The following NEB variants were observed in gnomAD, a reference collection of about 807,000 sequenced individuals.
NEB encodes the protein nebulin, also known as nemaline myopathy type 2.
NEB carries 512 observed loss-of-function variants against 952.2 expected under a neutral mutation model. The ratio of observed to expected loss-of-function variants is 0.54; its 90% CI spans 0.50 to 0.58. The LOEUF (loss-of-function observed/expected upper bound fraction) is 0.58. NEB is among the 20% of genes least tolerant of loss of function. The pLI is 0.00. For missense variants in NEB, 8,428 were observed against 9,231.1 expected, an observed-to-expected ratio of 0.91 and a Z score of 3.56; for synonymous variants, 2,900 against 3,149.8, an observed-to-expected ratio of 0.92 and a Z score of 2.66.
intron 68 of NEB, among the ~76,000 whole-genome samples, chr2:151,628,447 C>CA (rs2098575837): frequency 6.6e-6 from 1 of 152,100 alleles, no homozygotes; most frequent in Admixed American, 6.5e-5. Context: ...TATGTATCTA[C>CA]AAAAAAGCAT....
Position 151,547,526 on chromosome 2 carries a change from T to C in NEB, c.20270A>G (p.Tyr6757Cys). The C allele has an allele frequency of 6.2e-7, 1 of 1,602,530 alleles. No individual in the cohort carries two copies. The highest frequency in any genetic ancestry group is 8.5e-7 in the Non-Finnish European group (1 of 1,174,068). Residue 6757 changes from tyrosine (Y) to cysteine (C), a missense_variant, in exon 133 of 182, where the codon TAC (tyrosine) becomes TGC (cysteine). Physicochemically the swap from Tyr to Cys is radical, Grantham distance 194. Coordinates refer to ENST00000397345, the MANE Select transcript of NEB (RefSeq NM_001164508.2). ...CTGCATCTTGAAGAAGTCTGATTTG[T>C]AGATCAACTAAAGAAAAAAAAATAC... ...KTQEAVSELI[Y>C]KSDFFKMQGH...
rs1434158942 is a variant in NEB, at chr2:151,562,211, C to T, written c.18895G>A (p.Val6299Met). The change falls in exon 121 of 182, where the codon GTG becomes ATG. Residue 6299 changes from valine (V) to methionine (M), a missense_variant. Transcript: ENST00000397345. ...RNAQEILSDN[V>M]YKDDLNWLKG... ...AACCAATTCAGGTCATCTTTATACA[C>T]ATTCTGCAAGAAAGAGAGAACAATG... 1.9e-6 allele frequency: 3 copies of T among 1,606,166 alleles called. No homozygotes were observed. Among genetic ancestry groups the T allele is most frequent in the Non-Finnish European group, 2.6e-6 (3 of 1,172,958 alleles).
Position 151,657,974 on chromosome 2 carries a change from T to C in NEB, c.6183+9A>G. On this transcript the variant is annotated intron_variant, in intron 48 of 181. Coordinates refer to ENST00000397345, the MANE Select transcript of NEB (RefSeq NM_001164508.2). ...CCCCCAGCCAGGTGACCGTTTCCTT[T>C]GGACTTACATCACTTGCAATATCTC... is the stretch of plus-strand genomic sequence containing the variant. 6.3e-7 allele frequency: 1 copy of C among 1,582,460 alleles called. No homozygotes were observed.
chr2:151,559,905 G>A (rs2095912625), intron 124 of NEB, among the ~76,000 whole-genome samples: 2 of 152,070 alleles, frequency 1.3e-5, no homozygotes, highest in South Asian at 4.1e-4. Flanking sequence ...AAACCTCCAC[G>A]TTCTGCACGT....
At chr2:151,486,022 C>T in intron 181 of NEB, 89 bp from the exon 182 acceptor site, 5 of 1,331,178 alleles carry the variant, frequency 3.8e-6, no homozygotes, top group South Asian at 1.3e-5. Flanking sequence ...TCATGACTGA[C>T]TCCACAAACT....
rs745648379 is a variant in NEB at position 151,565,165 on chromosome 2, A to G, written c.18367-17T>C. ...ATATTTTACCTAAGGAGAGAAAACC[A>G]AATCTTTTATTACTATAAATGAATA... On this transcript the variant is annotated splice_polypyrimidine_tract_variant and intron_variant, in intron 116 of 181. Transcript: ENST00000397345. 2 of 1,275,594 alleles carry G rather than the reference A, an allele frequency of 1.6e-6. No individual in the cohort carries two copies. Among genetic ancestry groups the G allele is most frequent in the South Asian group, 2.8e-5 (2 of 71,914 alleles). The allele number at this position is 1,275,594 out of a possible 1,614,324, so 79.0% of individuals were successfully genotyped here. A position where few individuals can be genotyped will look rare whatever the true frequency, so the allele number is the denominator to read the frequency against.
intron 117 of NEB, 83 bp from the exon 118 acceptor site, chr2:151,564,013 G>A (rs1314494173): frequency 3.0e-6 from 3 of 1,010,932 alleles, no homozygotes; most frequent in Non-Finnish European, 4.5e-6. Context: ...TAATTAAGGT[G>A]AAACATGTAT....
intron 28 of NEB, 25 bp downstream of exon 28, chr2:151,684,753 G>T: frequency 6.6e-7 from 1 of 1,521,768 alleles, no homozygotes; most frequent in South Asian, 1.3e-5. Context: ...TTAAAAGAGG[G>T]GCTACAGAAA....
At position 151,535,738 on chromosome 2, in the gene NEB, A is replaced by G; in HGVS notation, c.21265T>C (p.Ser7089Pro). The G allele has an allele frequency of 1.9e-6, 3 of 1,609,692 alleles. No homozygotes were observed. Among genetic ancestry groups the G allele is most frequent in the Non-Finnish European group, 2.5e-6 (3 of 1,177,670 alleles). ...TKSDFKYVAD[S>P]PINRHFKYAT... is the part of the protein sequence containing the mutation. ...TACTTGAAATGCCTATTGATCGGAG[A>G]GTCGGCAACATACTTGAAATCTGAC... is the stretch of plus-strand genomic sequence containing the variant. The change falls in exon 142 of 182, where the codon TCT becomes CCT. Residue 7089 changes from serine to proline, a missense_variant. Physicochemically the swap from Ser to Pro is moderately conservative, Grantham distance 74. Coordinates refer to ENST00000397345, the MANE Select transcript of NEB (RefSeq NM_001164508.2).
chr2:151,644,782 G>A (rs1439387294), intron 55 of NEB, among the ~76,000 whole-genome samples: 1 of 152,160 alleles, frequency 6.6e-6, no homozygotes, highest in African/African-American at 2.4e-5. Flanking sequence ...CAGCAAAATT[G>A]TCAGCTCTTC....
At chr2:151,504,507 C>G (rs534335738) in intron 165 of NEB, among the ~76,000 whole-genome samples, 3 of 152,100 alleles carry the variant, frequency 2.0e-5, no homozygotes, top group Non-Finnish European at 4.4e-5. Context: ...GAAATCTGTA[C>G]CACAGAGTAT....
chr2:151,518,433 G>A lies in NEB; in HGVS notation c.22696-11C>T, dbSNP rs1365938022. ...CTTCTTGTACTGGTACTGAGGGGAA[G>A]GCGGCAAAAAAGGCACATTGATGGA... On this transcript the variant is annotated splice_polypyrimidine_tract_variant and intron_variant, in intron 155 of 181. Coordinates refer to ENST00000397345, the MANE Select transcript of NEB (RefSeq NM_001164508.2). 2.1e-5 allele frequency: 33 copies of A among 1,551,416 alleles called. No individual in the cohort carries two copies. The highest frequency in any genetic ancestry group is 2.7e-5 in the Non-Finnish European group (31 of 1,129,160).
chr2:151,620,355 A>G lies in NEB; in HGVS notation c.10560+564T>C, dbSNP rs1433588487. ...TATATATGTATGTGTGTGTATATAT[A>G]TATATATATATATATATATATATAT... On this transcript the variant is annotated intron_variant, in intron 72 of 181. Transcript: ENST00000397345. 8.3e-4 allele frequency among the ~76,000 whole-genome samples: 53 copies of G among 63,616 alleles called. 1 individual carries two copies. The highest frequency in any genetic ancestry group is 2.3e-3 in the African/African-American group (48 of 21,276). 41.7% of individuals were successfully genotyped at this position (63,616 alleles called of 152,430 possible).
intron 158 of NEB, 25 bp from the exon 159 acceptor site, chr2:151,514,453 A>C: frequency 6.6e-7 from 1 of 1,526,532 alleles, no homozygotes; most frequent in Non-Finnish European, 9.1e-7. Flanking sequence ...AAAAGCAACA[A>C]CATTGACAAG....
At chr2:151,664,738 T>A in intron 43 of NEB, 21 bp downstream of exon 43, 1 of 1,583,234 alleles carries the variant, frequency 6.3e-7, no homozygotes, top group African/African-American at 1.3e-5. Flanking sequence ...CCCCAGCTTT[T>A]GCTGTTGTTA....
At chr2:151,562,377 G>A (rs878957234) in intron 120 of NEB, among the ~76,000 whole-genome samples, 163 bp from the exon 121 acceptor site, 2 of 152,320 alleles carry the variant, frequency 1.3e-5, no homozygotes, top group Middle Eastern at 3.4e-3. Context: ...AAAGAAGCTT[G>A]AGAGCAATAT....
intron 9 of NEB, among the ~76,000 whole-genome samples, chr2:151,718,726 C>T (rs1026345042): frequency 2.0e-5 from 3 of 152,198 alleles, no homozygotes; most frequent in Non-Finnish European, 4.4e-5. Context: ...ACCCCAAACT[C>T]TCCTTCTTCA....
At chr2:151,685,931 T>C (rs2099494568) in intron 27 of NEB, among the ~76,000 whole-genome samples, 1 of 152,230 alleles carries the variant, frequency 6.6e-6, no homozygotes, top group South Asian at 2.1e-4. Flanking sequence ...CTTTTGGCTT[T>C]CTAAGGGAAC....
chr2:151,626,529 T>G (rs539764982), intron 70 of NEB, among the ~76,000 whole-genome samples: 7 of 152,102 alleles, frequency 4.6e-5, no homozygotes, highest in Admixed American at 4.6e-4. Context: ...GAACCCATAA[T>G]AGCTGTCCCA....
Sources: allele counts gnomAD v4.1 joint callset (sites outside exome capture counted in the v4.1 genomes callset), GRCh38; gene constraint gnomAD v4.1.1; transcripts MANE v1.5; gene names NCBI Gene and HGNC (gene_info 2026-07-23, HGNC 2026-07-21).